Variants in HK2 observed in about 807,000 individuals in gnomAD.
The protein encoded by HK2 is hexokinase-2.
HK2 carries 42 observed loss-of-function variants against 92.9 expected under a neutral mutation model. The ratio of observed to expected loss-of-function variants is 0.45; its 90% CI spans 0.35 to 0.58. The LOEUF (loss-of-function observed/expected upper bound fraction) is 0.58. Among genes scored for constraint, HK2 ranks in the 20% least tolerant of loss-of-function variants. The pLI is 0.00. For synonymous variants in HK2, 422 were observed against 468.0 expected (o/e 0.90, Z 1.27); for missense variants, 978 against 1,245.1 (o/e 0.79, Z 3.23).
intron 3 of HK2, among the ~76,000 whole-genome samples, chr2:74,870,001 C>CTTTTTTTTT (rs66946936): frequency 1.6e-5 from 2 of 121,518 alleles, no homozygotes; most frequent in Non-Finnish European, 3.4e-5. Flanking sequence ...CTTTTCTTTT[C>CTTTTTTTTT]TTTTTTTTTT....
chr2:74,834,839 G>A lies in HK2; in HGVS notation c.63+196G>A, dbSNP rs1290780861. On this transcript the variant is annotated intron_variant, in intron 1 of 17. Transcript: ENST00000290573. This position sits in a 1 kb window ranked among gnomAD's most constrained non-coding sequence, Gnocchi z 4.2. ...GCACAGCCGGCGAGTGCGCGCGGGC[G>A]GGGAGCCGAGGTCGCGCTCCGCCGG... 6.8e-6 allele frequency among the ~76,000 whole-genome samples: 1 copy of A among 147,472 alleles called. No individual in the cohort carries two copies. The highest frequency in any genetic ancestry group is 1.5e-5 in the Non-Finnish European group (1 of 64,552).
chr2:74,886,078 T>C (rs1452106660), intron 13 of HK2, among the ~76,000 whole-genome samples: 2 of 150,374 alleles, frequency 1.3e-5, no homozygotes, highest in Admixed American at 6.6e-5. Context: ...GGAGAGCAGA[T>C]GGAGCAAGTG....
At chr2:74,863,539 T>C (rs1232533100) in intron 2 of HK2, among the ~76,000 whole-genome samples, 1 of 152,180 alleles carries the variant, frequency 6.6e-6, no homozygotes, top group Non-Finnish European at 1.5e-5. Context: ...GGTGTGGTAG[T>C]GATCATGGCG....
chr2:74,891,272 T>C lies in HK2; in HGVS notation c.*331T>C. 2.7e-6 allele frequency: 1 copy of C among 363,726 alleles called. No individual in the cohort carries two copies. The highest frequency in any genetic ancestry group is 4.1e-5 in the Admixed American group (1 of 24,522). The allele number at this position is 363,726 out of a possible 1,614,324, so 22.5% of individuals were successfully genotyped here. On this transcript the variant is annotated 3_prime_UTR_variant, in exon 18 of 18. Transcript: ENST00000290573. ...TAATTCTACAGGATGGGGACACTAA[T>C]GAAGATACGGTTGCTTCACCTTGGA...
rs1573375448 is a variant in HK2, at chr2:74,867,773, A to G, written c.364A>G (p.Ser122Gly). The change falls in exon 3 of 18, where the codon AGT (serine) becomes GGT (glycine). Residue 122 changes from serine to glycine, a missense_variant. Physicochemically the swap from Ser to Gly is moderately conservative, Grantham distance 56 (BLOSUM62 0). Around this residue, in one of 3 missense-constraint regions of HK2, gnomAD observed 189 missense variants for 289.5 expected, o/e 0.65. Coordinates refer to ENST00000290573, the MANE Select transcript of HK2 (RefSeq NM_000189.5). ...CATCCCTGAGGACATCATGCGAGGCAGTGGCACCCAGGTATGACCCTTCTC... is the reference window on the plus strand; with the variant it reads ...CATCCCTGAGGACATCATGCGAGGCGGTGGCACCCAGGTATGACCCTTCTC... Reference protein sequence around the residue: ...YAIPEDIMRGSGTQLFDHIAE... With the variant: ...YAIPEDIMRGGGTQLFDHIAE... The G allele has an allele frequency of 6.2e-7, 1 of 1,614,158 alleles. No individual in the cohort carries two copies. The highest frequency in any genetic ancestry group is 2.2e-5 in the East Asian group (1 of 44,876).
chr2:74,848,478 T>C (rs1157486039), intron 1 of HK2, among the ~76,000 whole-genome samples: 1 of 142,372 alleles, frequency 7.0e-6, no homozygotes, highest in South Asian at 2.2e-4. Flanking sequence ...AATTAATTTC[T>C]TGTAAAATTA....
chr2:74,868,631 T>C (rs1207619003), intron 3 of HK2, among the ~76,000 whole-genome samples: 1 of 152,240 alleles, frequency 6.6e-6, no homozygotes, highest in Non-Finnish European at 1.5e-5. Context: ...TTTCTGTGGC[T>C]AGTAATTGCA....
At position 74,851,234 on chromosome 2, in the gene HK2, C is replaced by T. The variant is rs112413875; in HGVS notation, c.64-3059C>T. On this transcript the variant is annotated intron_variant, in intron 1 of 17. Coordinates refer to ENST00000290573, the MANE Select transcript of HK2 (RefSeq NM_000189.5). ...CTCATTACCCAAGTGATCTATAAAA[C>T]GGAGGTGCAGAAGTTTTACGAAGAC... is the stretch of plus-strand genomic sequence containing the variant. Among the ~76,000 whole-genome samples the T allele has an allele frequency of 3.5e-4, 53 of 152,280 alleles. No homozygotes were observed. In the Middle Eastern group the frequency reaches 0.01, roughly 29 times the overall value.
chr2:74,877,071 G>T lies in HK2; in HGVS notation c.876-95G>T. ...GTGCTGCACACATTAACCCTTAGTTGTGAAGTTGCACGTGTGCGCATCTTG... is the reference window on the plus strand; with the variant it reads ...GTGCTGCACACATTAACCCTTAGTTTTGAAGTTGCACGTGTGCGCATCTTG... On this transcript the variant is annotated intron_variant, in intron 7 of 17. Transcript: ENST00000290573. 2.0e-6 allele frequency: 3 copies of T among 1,500,754 alleles called. No individual in the cohort carries two copies. The East Asian group carries it at 6.8e-5, about 34-fold the overall frequency. 93.0% of individuals were successfully genotyped at this position (1,500,754 alleles called of 1,614,324 possible). A position where few individuals can be genotyped will look rare whatever the true frequency, so the allele number is the denominator to read the frequency against.
In HK2 at chr2:74,886,653, A is replaced by G. The variant is rs984626491; in HGVS notation, c.2199A>G (p.Ser733=). The change falls in exon 15 of 18, where the codon TCA becomes TCG. Residue 733 remains serine, a synonymous_variant. Transcript: ENST00000290573. The stretch of plus-strand genomic sequence containing the variant: ...TTGATGTGGCTGTGGATGAGCTTTC[A>G]CTCAACCCCGGCAAGCAGAGGTAGG... ...TEFDVAVDEL[S]LNPGKQRFEK... is the part of the protein sequence containing the mutation. The G allele has an allele frequency of 1.1e-5, 17 of 1,613,688 alleles. No individual in the cohort carries two copies. The highest frequency in any genetic ancestry group is 1.4e-5 in the Non-Finnish European group (16 of 1,179,928).
chr2:74,856,462 C>T (rs565065367), intron 2 of HK2, among the ~76,000 whole-genome samples: 14 of 152,162 alleles, frequency 9.2e-5, no homozygotes, highest in African/African-American at 3.4e-4. Context: ...GTTTACCTAC[C>T]ACTCCCTCTG....
intron 2 of HK2, among the ~76,000 whole-genome samples, chr2:74,861,377 G>A (rs569744046): frequency 6.6e-6 from 1 of 151,512 alleles, no homozygotes; most frequent in East Asian, 1.9e-4. Flanking sequence ...CTGAGATCAT[G>A]CTGCTGCACT....
Position 74,877,836 on chromosome 2 carries a change from G to A in HK2, c.1031+515G>A, listed in dbSNP as rs141219968. Among the ~76,000 whole-genome samples, 4 of 152,288 alleles carry A rather than the reference G, an allele frequency of 2.6e-5. No homozygotes were observed. In the East Asian group the frequency reaches 7.7e-4, roughly 29 times the overall value. ...CCCAGCAGGGGCAAGAGTGAGGATG[G>A]CTTGATTTTTGTTGTTGTTAACAAT... On this transcript the variant is annotated intron_variant, in intron 8 of 17. Coordinates refer to ENST00000290573, the MANE Select transcript of HK2 (RefSeq NM_000189.5).
intron 13 of HK2, among the ~76,000 whole-genome samples, chr2:74,885,870 AC>A (rs1689516996): frequency 4.0e-5 from 6 of 151,632 alleles, no homozygotes; most frequent in Non-Finnish European, 7.4e-5. Context: ...ACACACACAC[AC>A]ACACACACAC....
chr2:74,865,043 CATGCGT>C (rs1688913553), intron 2 of HK2, among the ~76,000 whole-genome samples: 1 of 151,456 alleles, frequency 6.6e-6, no homozygotes, highest in African/African-American at 2.5e-5. Context: ...GGCACGTAAC[CATGCGT>C]GGGCGTTACG....
Position 74,882,090 on chromosome 2 carries a change from C to T in HK2, c.1720-30C>T, listed in dbSNP as rs778296763. On this transcript the variant is annotated intron_variant, in intron 11 of 17. Coordinates refer to ENST00000290573, the MANE Select transcript of HK2 (RefSeq NM_000189.5). ...GGGCAGCCTGCCCTGCCCAGGGCCC[C>T]TCCCTCAGTGTCCTAACTTCTCCCT... 6 of 1,612,040 alleles carry T rather than the reference C, an allele frequency of 3.7e-6. No individual in the cohort carries two copies. The Admixed American group carries it at 8.3e-5, about 22-fold the overall frequency.
chr2:74,872,159 G>A (rs1032449820), intron 3 of HK2, 141 bp from the exon 4 acceptor site: 19 of 816,108 alleles, frequency 2.3e-5, no homozygotes, highest in Admixed American at 1.8e-4. Context: ...TTCCCTTTTT[G>A]TAGGTGAGCA....
rs757784300 is a variant in HK2, at chr2:74,878,848, A to G, written c.1192A>G (p.Lys398Glu). Residue 398 changes from lysine to glutamate, a missense_variant, in exon 9 of 18, where the codon AAG becomes GAG. By Grantham distance (56) the Lys-to-Glu change is moderately conservative. Transcript: ENST00000290573. Reference protein sequence around the residue: ...ATLAAVLQRIKENKGEERLRS... With the variant: ...ATLAAVLQRIEENKGEERLRS... ...CCTGGCCGCCGTGCTGCAGCGCATCAAGGAGAACAAAGGCGAGGAGCGGCT... is the reference window on the plus strand; with the variant it reads ...CCTGGCCGCCGTGCTGCAGCGCATCGAGGAGAACAAAGGCGAGGAGCGGCT... 4 of 1,554,028 alleles carry G rather than the reference A, an allele frequency of 2.6e-6. No homozygotes were observed. Among genetic ancestry groups the G allele is most frequent in the South Asian group, 1.2e-5 (1 of 84,312 alleles).
In HK2 at chr2:74,889,346, T is replaced by C; in HGVS notation, c.2477T>C (p.Val826Ala). 1 of 1,614,196 alleles carries C rather than the reference T, an allele frequency of 6.2e-7. No homozygotes were observed. Among genetic ancestry groups the C allele is most frequent in the Non-Finnish European group, 8.5e-7 (1 of 1,180,028 alleles). ...SIIVKEVCTV[V>A]ARRAAQLCGA... is the part of the protein sequence containing the mutation. The stretch of plus-strand genomic sequence containing the variant: ...ATTGTTAAGGAGGTGTGCACTGTGG[T>C]GGCCCGGCGGGCAGCCCAGCTCTGT... Residue 826 changes from valine to alanine, a missense_variant, in exon 17 of 18, where the codon GTG (valine) becomes GCG (alanine). Coordinates refer to ENST00000290573, the MANE Select transcript of HK2 (RefSeq NM_000189.5).
Sources: gnomAD v4.1 joint callset for allele counts (sites outside exome capture counted in the v4.1 genomes callset) on GRCh38, gnomAD v4.1.1 for gene constraint, gnomAD v4.1.1 regional missense constraint, Gnocchi (gnomAD v3.1) non-coding constraint, MANE v1.5 for transcripts, NCBI Gene and HGNC (gene_info 2026-07-23, HGNC 2026-07-21) for gene names.